Variants in SLC29A3 observed in about 807,000 individuals in gnomAD.
SLC29A3 encodes equilibrative nucleoside transporter 3.
In SLC29A3, 18 loss-of-function variants were observed where a neutral mutation model predicts 25.4. The observed-to-expected ratio is 0.71, with a 90% confidence interval of 0.49 to 1.05. The LOEUF is 1.05. Among genes scored for constraint, SLC29A3 ranks in the 50% least tolerant of loss-of-function variants. SLC29A3 has a pLI of 0.00. For missense variants in SLC29A3, 586 were observed against 609.0 expected, an observed-to-expected ratio of 0.96 and a Z score of 0.40; for synonymous variants, 258 against 267.1, an observed-to-expected ratio of 0.97 and a Z score of 0.33.
Position 71,327,178 on chromosome 10 carries a change from G to A in SLC29A3, c.300+4124G>A, listed in dbSNP as rs552284621. 3.3e-5 allele frequency among the ~76,000 whole-genome samples: 5 copies of A among 152,256 alleles called. No individual in the cohort carries two copies. The South Asian group carries it at 1.0e-3, about 32-fold the overall frequency. On this transcript the variant is annotated intron_variant, in intron 2 of 5. Coordinates refer to ENST00000373189, the MANE Select transcript of SLC29A3 (RefSeq NM_018344.6). ...CTGGGGATGGATGCCATTTGATGGG[G>A]AGCTTGACCCAGGAGGAAGGTTTAC...
chr10:71,338,765 A>G (rs1846319372), intron 2 of SLC29A3, among the ~76,000 whole-genome samples: 1 of 152,126 alleles, frequency 6.6e-6, no homozygotes, highest in African/African-American at 2.4e-5. Context: ...TCGAAAAAAA[A>G]GAAAAAAAAA....
intron 4 of SLC29A3, 108 bp from the exon 5 acceptor site, chr10:71,355,973 C>G: frequency 7.6e-7 from 1 of 1,320,660 alleles, no homozygotes; most frequent in Non-Finnish European, 1.1e-6. Context: ...GCATTTTTCG[C>G]ACGGAGGAAT....
intron 3 of SLC29A3, among the ~76,000 whole-genome samples, chr10:71,347,771 G>A (rs533212192): frequency 5.3e-5 from 8 of 152,278 alleles, no homozygotes; most frequent in East Asian, 3.9e-4. Context: ...ACACTGCATC[G>A]TTTCTGGAAT....
intron 2 of SLC29A3, among the ~76,000 whole-genome samples, chr10:71,336,733 T>A (rs191615243): frequency 9.3e-4 from 141 of 151,966 alleles, no homozygotes; most frequent in Admixed American, 2.4e-3. Context: ...GAGCCCTTTT[T>A]GCGGAGTGGA....
At chr10:71,322,082 C>A (rs952803288) in intron 1 of SLC29A3, among the ~76,000 whole-genome samples, 2 of 152,140 alleles carry the variant, frequency 1.3e-5, no homozygotes, top group Admixed American at 1.3e-4. Flanking sequence ...AAACTAGTCA[C>A]ATAGTTCAAA....
rs1260931659 is a variant in SLC29A3 at position 71,363,140 on chromosome 10, A to G, written c.*532A>G. The G allele has an allele frequency of 2.3e-6, 1 of 439,412 alleles. No homozygotes were observed. The highest frequency in any genetic ancestry group is 2.4e-5 in the Admixed American group (1 of 41,220). The allele number at this position is 439,412 out of a possible 1,614,324, so 27.2% of individuals were successfully genotyped here. A position where few individuals can be genotyped will look rare whatever the true frequency, so the allele number is the denominator to read the frequency against. ...AGACCCCTGTGTTCTGTGGGTGAACAACTGCCCACTAACCAGACTGGAAAA... is the reference window on the plus strand; with the variant it reads ...AGACCCCTGTGTTCTGTGGGTGAACGACTGCCCACTAACCAGACTGGAAAA... On this transcript the variant is annotated 3_prime_UTR_variant, in exon 6 of 6. Transcript: ENST00000373189.
At chr10:71,351,993 C>T (rs1846777843) in intron 4 of SLC29A3, among the ~76,000 whole-genome samples, 1 of 152,134 alleles carries the variant, frequency 6.6e-6, no homozygotes, top group Middle Eastern at 3.2e-3. Context: ...GCAGGTGTAG[C>T]TCTTCTCTTC....
In SLC29A3 at chr10:71,322,786, A is replaced by ACAGT; in HGVS notation, c.33_36dup (p.Ser13GlnfsTer16). On this transcript the variant is annotated frameshift_variant, in exon 2 of 6. Coordinates refer to ENST00000373189, the MANE Select transcript of SLC29A3 (RefSeq NM_018344.6). LOFTEE classifies it high-confidence loss of function. Reference sequence around the variant, plus strand: ...GTTGTCTCAGAGGACGACTTTCAGCACAGTTCAAACTCCACCTACAGAACC... The same window carrying ACAGT: ...GTTGTCTCAGAGGACGACTTTCAGCACAGTCAGTTCAAACTCCACCTACAGAACC... The ACAGT allele has an allele frequency of 6.2e-7, 1 of 1,614,116 alleles. No individual in the cohort carries two copies. The highest frequency in any genetic ancestry group is 1.1e-5 in the South Asian group (1 of 91,080).
chr10:71,334,229 C>T (rs1433020791), intron 2 of SLC29A3, among the ~76,000 whole-genome samples: 2 of 152,236 alleles, frequency 1.3e-5, no homozygotes, highest in Non-Finnish European at 2.9e-5. Context: ...GCTTTGTGGG[C>T]CCCACAGTCT....
chr10:71,319,263 G>A lies in SLC29A3; in HGVS notation c.-47G>A. ...CGCCTGCCGCCTGCCAAGCCCAGTGGTCCTGGCCGTGCGCCGGAGGCAGCG... is the reference window on the plus strand; with the variant it reads ...CGCCTGCCGCCTGCCAAGCCCAGTGATCCTGGCCGTGCGCCGGAGGCAGCG... On this transcript the variant is annotated 5_prime_UTR_variant, in exon 1 of 6. Coordinates refer to ENST00000373189, the MANE Select transcript of SLC29A3 (RefSeq NM_018344.6). 1.6e-6 allele frequency: 1 copy of A among 611,600 alleles called. No homozygotes were observed. Among genetic ancestry groups the A allele is most frequent in the Non-Finnish European group, 2.9e-6 (1 of 341,126 alleles). 37.9% of individuals were successfully genotyped at this position (611,600 alleles called of 1,614,324 possible).
In SLC29A3 at chr10:71,350,198, C is replaced by T. The variant is rs149104744; in HGVS notation, c.384-1364C>T. 5.3e-3 allele frequency among the ~76,000 whole-genome samples: 814 copies of T among 152,288 alleles called. 6 individuals are homozygous for T. Among genetic ancestry groups the T allele is most frequent in the African/African-American group, 0.019 (780 of 41,566 alleles). ...CCTCATACCCCTTAGAAAGCAGTGA[C>T]AGCACCTGCTCTCCCTTTAGCTGAG... On this transcript the variant is annotated intron_variant, in intron 3 of 5. Transcript: ENST00000373189.
rs1247135319 is a variant in SLC29A3 at position 71,358,447 on chromosome 10, C to G, written c.773+2204C>G. Reference sequence around the variant, plus strand: ...AGGCACCTACAGACCCCTGGGCTGCCCAGTCCTCCCCGCCCCTTCAGGGCT... The same window carrying G: ...AGGCACCTACAGACCCCTGGGCTGCGCAGTCCTCCCCGCCCCTTCAGGGCT... On this transcript the variant is annotated intron_variant, in intron 5 of 5. Coordinates refer to ENST00000373189, the MANE Select transcript of SLC29A3 (RefSeq NM_018344.6). 3.3e-5 allele frequency among the ~76,000 whole-genome samples: 5 copies of G among 152,172 alleles called. No homozygotes were observed. In the East Asian group the frequency reaches 9.6e-4, roughly 29 times the overall value.
chr10:71,326,139 C>T (rs1401126243), intron 2 of SLC29A3, among the ~76,000 whole-genome samples: 1 of 151,850 alleles, frequency 6.6e-6, no homozygotes, highest in Non-Finnish European at 1.5e-5. Context: ...AGGCTGGTCT[C>T]AAACTCCTGG....
At chr10:71,320,272 TTGTTCTA>T (rs1465751112) in intron 1 of SLC29A3, among the ~76,000 whole-genome samples, 1 of 152,234 alleles carries the variant, frequency 6.6e-6, no homozygotes, top group Non-Finnish European at 1.5e-5. Context: ...CGGTTCTCTC[TTGTTCTA>T]TGTGGGTGGG....
intron 1 of SLC29A3, chr10:71,319,855 A>C (rs1440690525): frequency 6.6e-6 from 1 of 152,396 alleles, no homozygotes; most frequent in African/African-American, 2.4e-5. Context: ...AGCCCAGATG[A>C]GGTTTTGCCG....
At chr10:71,348,485 C>T (rs766370958) in intron 3 of SLC29A3, among the ~76,000 whole-genome samples, 5 of 152,138 alleles carry the variant, frequency 3.3e-5, no homozygotes, top group Non-Finnish European at 5.9e-5. Flanking sequence ...GGCAGGGCTC[C>T]GGTCTCCTGA....
intron 2 of SLC29A3, among the ~76,000 whole-genome samples, chr10:71,341,614 A>C (rs1490559239): frequency 2.0e-5 from 3 of 152,232 alleles, no homozygotes; most frequent in African/African-American, 7.2e-5. Context: ...CAGCTATCGG[A>C]AACCCTCATG....
chr10:71,337,691 G>A (rs1846288992), intron 2 of SLC29A3, among the ~76,000 whole-genome samples: 1 of 152,218 alleles, frequency 6.6e-6, no homozygotes, highest in African/African-American at 2.4e-5. Context: ...TCAGGGAAGA[G>A]AAAGCTTAAC....
rs925754203 is a variant in SLC29A3, at chr10:71,356,256, C to T, written c.773+13C>T. ...TGGAGTATGCCAGGTGAAGGTGCCA[C>T]TCACTGTCCATGCCTCCTTCCTGTG... is the stretch of plus-strand genomic sequence containing the variant. On this transcript the variant is annotated intron_variant, in intron 5 of 5. Transcript: ENST00000373189. 3 of 1,612,370 alleles carry T rather than the reference C, an allele frequency of 1.9e-6. No individual in the cohort carries two copies. Among genetic ancestry groups the T allele is most frequent in the Non-Finnish European group, 2.5e-6 (3 of 1,180,002 alleles).
Sources: gnomAD v4.1 joint callset for allele counts (sites outside exome capture counted in the v4.1 genomes callset) on GRCh38, gnomAD v4.1.1 for gene constraint, MANE v1.5 for transcripts, NCBI Gene and HGNC (gene_info 2026-07-23, HGNC 2026-07-21) for gene names.